Variants in MEGF10 observed in about 807,000 individuals in gnomAD.
MEGF10 encodes the protein multiple epidermal growth factor-like domains protein 10.
A neutral mutation model predicts 147.5 loss-of-function variants in MEGF10; 86 were observed. The ratio of observed to expected loss-of-function variants is 0.58; its 90% CI spans 0.49 to 0.70. MEGF10 has a LOEUF of 0.70. Ranked by LOEUF, MEGF10 falls within the 30% of genes least tolerant of loss-of-function variation. The pLI is 0.00. For missense variants in MEGF10, 1,329 were observed against 1,487.3 expected (o/e 0.89, Z 1.75); for synonymous variants, 478 against 525.5 (o/e 0.91, Z 1.24).
chr5:127,272,347 T>C, the MEGF10 span, among the ~76,000 whole-genome samples: 1 of 152,166 alleles, frequency 6.6e-6, no homozygotes, highest in Non-Finnish European at 1.5e-5. Flanking sequence ...AGCCTGGTAG[T>C]ATAGTTAGTA....
intron 5 of MEGF10, among the ~76,000 whole-genome samples, chr5:127,384,259 G>A (rs1356260613): frequency 6.6e-6 from 1 of 152,232 alleles, no homozygotes; most frequent in Non-Finnish European, 1.5e-5. Context: ...GGAGCAAGTA[G>A]TAAGTGCTCA....
chr5:127,451,735 G>A (rs1261713414), intron 22 of MEGF10, among the ~76,000 whole-genome samples: 1 of 152,138 alleles, frequency 6.6e-6, no homozygotes, highest in Non-Finnish European at 1.5e-5. Flanking sequence ...TAGGAACCTA[G>A]GATCTTCATT....
At chr5:127,303,390 A>G (rs186114952) in intron 1 of MEGF10, among the ~76,000 whole-genome samples, 1 of 151,168 alleles carries the variant, frequency 6.6e-6, no homozygotes, top group Non-Finnish European at 1.5e-5. Flanking sequence ...GGAGCCAAGT[A>G]GGGAAGTCCT....
chr5:127,279,456 AG>A, the MEGF10 span, among the ~76,000 whole-genome samples: 1 of 152,228 alleles, frequency 6.6e-6, no homozygotes, highest in South Asian at 2.1e-4. Context: ...ATTGTTGAAA[AG>A]GTCATCCACA....
At chr5:127,382,532 A>C (rs2126887686) in intron 5 of MEGF10, among the ~76,000 whole-genome samples, 1 of 152,300 alleles carries the variant, frequency 6.6e-6, no homozygotes, top group South Asian at 2.1e-4. Flanking sequence ...GAAAAAAGAA[A>C]CTTATGTGGT....
At chr5:127,284,205 G>A in the MEGF10 span, among the ~76,000 whole-genome samples, 151 of 152,242 alleles carry the variant, frequency 9.9e-4, no homozygotes, top group African/African-American at 3.6e-3. Context: ...GAAGAAGACC[G>A]AAATGAAGGC....
chr5:127,421,128 A>G (rs966198583), intron 12 of MEGF10, among the ~76,000 whole-genome samples: 1 of 152,182 alleles, frequency 6.6e-6, no homozygotes. Flanking sequence ...ACAAATTATC[A>G]GTACTTGGAG....
In MEGF10 at chr5:127,455,276, A is replaced by T. The variant is rs72790444; in HGVS notation, c.3026-125A>T. On this transcript the variant is annotated intron_variant, in intron 23 of 24. Transcript: ENST00000503335. The stretch of plus-strand genomic sequence containing the variant: ...TCTCTCCAAAACAAGTGGAAAAGGT[A>T]CAGTATTATTTTCAGTGTGTAGAAT... 99,536 of 836,522 alleles carry T rather than the reference A, an allele frequency of 0.12. 6,494 individuals carry two copies. The highest frequency in any genetic ancestry group is 0.13 in the Non-Finnish European group (69,504 of 521,418). The allele number at this position is 836,522 out of a possible 1,614,324, so 51.8% of individuals were successfully genotyped here.
intron 1 of MEGF10, among the ~76,000 whole-genome samples, chr5:127,307,114 T>TC (rs1416365147): frequency 6.6e-6 from 1 of 152,108 alleles, no homozygotes; most frequent in Non-Finnish European, 1.5e-5. Flanking sequence ...AGCACGCTTC[T>TC]CCCCTAGAGT....
At chr5:127,267,192 G>A in the MEGF10 span, among the ~76,000 whole-genome samples, 2 of 152,130 alleles carry the variant, frequency 1.3e-5, no homozygotes, top group Non-Finnish European at 2.9e-5. Context: ...TGTGGTTTTT[G>A]TCTTTGGTTC....
the MEGF10 span, among the ~76,000 whole-genome samples, chr5:127,243,284 TG>T: frequency 6.6e-6 from 1 of 152,166 alleles, no homozygotes; most frequent in African/African-American, 2.4e-5. Flanking sequence ...TCCCTGTCCT[TG>T]TTTGGGCAGT....
At chr5:127,296,735 C>T (rs1305654008) in intron 1 of MEGF10, among the ~76,000 whole-genome samples, 2 of 152,142 alleles carry the variant, frequency 1.3e-5, no homozygotes, top group Non-Finnish European at 2.9e-5. Context: ...CTAAAACACA[C>T]AAATTTAACT....
chr5:127,424,517 G>T (rs1261738837), intron 13 of MEGF10: 9 of 1,442,222 alleles, frequency 6.2e-6, no homozygotes, highest in Non-Finnish European at 7.2e-6. Context: ...GATGTCACCA[G>T]CAACCTCTTC....
At chr5:127,435,146 A>G (rs1765511129) in intron 15 of MEGF10, among the ~76,000 whole-genome samples, 1 of 152,170 alleles carries the variant, frequency 6.6e-6, no homozygotes, top group African/African-American at 2.4e-5. Context: ...TAGAAGTGCA[A>G]TGATGTCCCC....
intron 5 of MEGF10, among the ~76,000 whole-genome samples, chr5:127,376,084 G>A (rs894646911): frequency 1.3e-5 from 2 of 152,180 alleles, no homozygotes; most frequent in African/African-American, 4.8e-5. Context: ...GAGATTTTCT[G>A]AGTGGACAAG....
Position 127,379,759 on chromosome 5 carries a change from C to A in MEGF10, c.412+9757C>A, listed in dbSNP as rs1046213017. Among the ~76,000 whole-genome samples, 7 of 152,014 alleles carry A rather than the reference C, an allele frequency of 4.6e-5. No homozygotes were observed. The South Asian group carries it at 1.2e-3, about 27-fold the overall frequency. ...GGATTACAGGCGCCCACCACCATGC[C>A]TGGCTAATTTTTGTATTTTTAGTAG... On this transcript the variant is annotated intron_variant, in intron 5 of 24. Transcript: ENST00000503335.
At chr5:127,306,155 A>G (rs1038422571) in intron 1 of MEGF10, among the ~76,000 whole-genome samples, 1 of 152,168 alleles carries the variant, frequency 6.6e-6, no homozygotes. Context: ...AGGTTGTGCT[A>G]TTTACAAAAA....
chr5:127,251,427 T>C, the MEGF10 span, among the ~76,000 whole-genome samples: 1 of 152,052 alleles, frequency 6.6e-6, no homozygotes, highest in Non-Finnish European at 1.5e-5. Flanking sequence ...CTACGTCTTA[T>C]GGTTGTTGTG....
intron 1 of MEGF10, among the ~76,000 whole-genome samples, chr5:127,313,825 A>G (rs776259931): frequency 6.6e-6 from 1 of 152,258 alleles, no homozygotes; most frequent in Non-Finnish European, 1.5e-5. Flanking sequence ...CACCTCCCTC[A>G]GGATTATTCA....
Sources: gnomAD v4.1 joint callset for allele counts (sites outside exome capture counted in the v4.1 genomes callset) on GRCh38, gnomAD v4.1.1 for gene constraint, MANE v1.5 for transcripts, NCBI Gene and HGNC (gene_info 2026-07-23, HGNC 2026-07-21) for gene names.